HLCS: variants seen among roughly 807,000 people sequenced by gnomAD.
The protein encoded by HLCS is biotin--protein ligase.
A neutral mutation model predicts 75.0 loss-of-function variants in HLCS; 53 were observed. The ratio of observed to expected loss-of-function variants is 0.71; its 90% confidence interval spans 0.57 to 0.89. The LOEUF is 0.89. Ranked by LOEUF, HLCS falls within the 40% of genes least tolerant of loss-of-function variation. The pLI, the probability that HLCS is intolerant of heterozygous loss-of-function variation, is 0.00. For synonymous variants in HLCS, 431 were observed against 428.6 expected, an observed-to-expected ratio of 1.01 and a Z score of -0.07; for missense variants, 966 against 1,074.0, an observed-to-expected ratio of 0.90 and a Z score of 1.41.
In HLCS at chr21:36,937,208, A is replaced by G. The variant is rs2146528574; in HGVS notation, c.678T>C (p.Ser226=). The change falls in exon 4 of 11, where the codon AGT becomes AGC. Residue 226 remains serine, a synonymous_variant. Transcript: ENST00000674895. ...CCCCAGCAGGCTCACTCCCAGAGGC[A>G]CTGCCTCTCCTTTGTTTGGGTTCTT... is the stretch of plus-strand genomic sequence containing the variant. ...LGEEPKQRRG[S]ASGSEPAGDS... 4 of 1,614,060 alleles carry G rather than the reference A, an allele frequency of 2.5e-6. 1 individual carries two copies. The highest frequency in any genetic ancestry group is 3.3e-4 in the Middle Eastern group (2 of 6,062).
At chr21:36,887,376 C>A (rs1214792361) in intron 6 of HLCS, among the ~76,000 whole-genome samples, 1 of 152,108 alleles carries the variant, frequency 6.6e-6, no homozygotes, top group Non-Finnish European at 1.5e-5. Context: ...CACATTATCA[C>A]TATCACAAAA....
intron 6 of HLCS, among the ~76,000 whole-genome samples, chr21:36,818,322 G>A (rs1019433644): frequency 9.2e-5 from 14 of 152,194 alleles, no homozygotes; most frequent in Non-Finnish European, 1.2e-4. Flanking sequence ...CACATAGGCC[G>A]TGATGAATGA....
rs1385620791 is a variant in HLCS, at chr21:36,888,479, T to A, written c.1892+8381A>T. On this transcript the variant is annotated intron_variant, in intron 6 of 10. Transcript: ENST00000674895. ...ATATATATATATATATATATATATA[T>A]ATATATATATATATATATTTATTTA... Among the ~76,000 whole-genome samples, 41 of 127,502 alleles carry A rather than the reference T, an allele frequency of 3.2e-4. 2 individuals carry two copies. The highest frequency in any genetic ancestry group is 4.5e-4 in the East Asian group (2 of 4,426). 83.6% of individuals were successfully genotyped at this position (127,502 alleles called of 152,430 possible). A position where few individuals can be genotyped will look rare whatever the true frequency, so the allele number is the denominator to read the frequency against.
chr21:36,824,551 C>T (rs2061949129), intron 6 of HLCS, among the ~76,000 whole-genome samples: 1 of 152,194 alleles, frequency 6.6e-6, no homozygotes, highest in African/African-American at 2.4e-5. Context: ...ACACATTTAC[C>T]TAACCTGCAC....
intron 6 of HLCS, among the ~76,000 whole-genome samples, chr21:36,856,138 A>T (rs1174819355): frequency 1.3e-5 from 2 of 152,140 alleles, no homozygotes; most frequent in Non-Finnish European, 2.9e-5. Flanking sequence ...AAAAGTTCTA[A>T]ATTTGAGTGT....
chr21:36,832,085 A>G (rs1057396702), intron 6 of HLCS, among the ~76,000 whole-genome samples: 3 of 152,182 alleles, frequency 2.0e-5, no homozygotes, highest in Middle Eastern at 3.2e-3. Flanking sequence ...ATAAATTGGC[A>G]TTTAGGTTCA....
At chr21:36,915,304 A>G (rs1389090897) in intron 5 of HLCS, among the ~76,000 whole-genome samples, 3 of 152,262 alleles carry the variant, frequency 2.0e-5, no homozygotes, top group African/African-American at 7.2e-5. Flanking sequence ...TTTAGCCTCC[A>G]CTGTTTAATT....
intron 5 of HLCS, among the ~76,000 whole-genome samples, chr21:36,924,787 G>A (rs1046850913): frequency 1.3e-4 from 20 of 152,074 alleles, no homozygotes; most frequent in African/African-American, 4.8e-4. Context: ...TGCAGCAAGG[G>A]CTTGTACTTA....
At chr21:36,773,573 T>A (rs1214991238) in intron 6 of HLCS, among the ~76,000 whole-genome samples, 1 of 152,236 alleles carries the variant, frequency 6.6e-6, no homozygotes, top group Non-Finnish European at 1.5e-5. Flanking sequence ...CAGCTCATGG[T>A]CCTGGCCTGA....
At chr21:36,786,642 A>G (rs1477001687) in intron 6 of HLCS, among the ~76,000 whole-genome samples, 1 of 152,156 alleles carries the variant, frequency 6.6e-6, no homozygotes, top group African/African-American at 2.4e-5. Flanking sequence ...TTTTCCATGC[A>G]TTTTCTTTGT....
chr21:36,775,638 G>A lies in HLCS; in HGVS notation c.1893-8353C>T, dbSNP rs552880981. Among the ~76,000 whole-genome samples the A allele has an allele frequency of 4.1e-3, 631 of 152,262 alleles. 4 individuals carry two copies. The highest frequency in any genetic ancestry group is 0.015 in the African/African-American group (606 of 41,534). On this transcript the variant is annotated intron_variant, in intron 6 of 10. Transcript: ENST00000674895. ...CCCCACTCCTCCGCCAGGAGTCTCC[G>A]GATCCTCCACAAGATCTTCTCACCC...
chr21:36,793,958 C>T (rs1204389324), intron 6 of HLCS, among the ~76,000 whole-genome samples: 1 of 152,206 alleles, frequency 6.6e-6, no homozygotes, highest in African/African-American at 2.4e-5. Context: ...CCTATGTGGA[C>T]AGCTGTTTAG....
At chr21:36,805,138 G>A (rs890962355) in intron 6 of HLCS, among the ~76,000 whole-genome samples, 14 of 152,228 alleles carry the variant, frequency 9.2e-5, no homozygotes, top group Admixed American at 8.5e-4. Flanking sequence ...GAAACATGAC[G>A]ACATAAGTAA....
chr21:36,929,789 G>C (rs73905405), intron 5 of HLCS, among the ~76,000 whole-genome samples: 1 of 152,180 alleles, frequency 6.6e-6, no homozygotes, highest in Non-Finnish European at 1.5e-5. Context: ...GAGAATTCCC[G>C]AACACATTCC....
intron 6 of HLCS, among the ~76,000 whole-genome samples, chr21:36,776,942 T>A (rs377120377): frequency 8.3e-4 from 126 of 152,372 alleles, no homozygotes; most frequent in African/African-American, 2.7e-3. Context: ...TAGGCTTTTT[T>A]ATTTTTTTTA....
chr21:36,871,665 C>A (rs1395854047), intron 6 of HLCS, among the ~76,000 whole-genome samples: 2 of 152,154 alleles, frequency 1.3e-5, no homozygotes. Context: ...TGGAATTTAG[C>A]ATGAACATCC....
At chr21:36,923,031 G>A (rs1190571048) in intron 5 of HLCS, among the ~76,000 whole-genome samples, 7 of 152,188 alleles carry the variant, frequency 4.6e-5, no homozygotes, top group African/African-American at 1.2e-4. Flanking sequence ...CAACGGTTCC[G>A]TCATCGCCGG....
chr21:36,759,829 G>C lies in HLCS; in HGVS notation c.2134C>G (p.Arg712Gly). The change falls in exon 9 of 11, where the codon CGA becomes GGA. Residue 712 changes from arginine to glycine, a missense_variant. Arg to Gly is a moderately radical substitution (Grantham distance 125). Coordinates refer to ENST00000674895, the MANE Select transcript of HLCS (RefSeq NM_001352514.2). ...TAAATATCGTTGGGCCACTTCACTC[G>C]TAAGTTGATATCCTAAAGGGAAATC... is the stretch of plus-strand genomic sequence containing the variant. ...SIPEYQDINL[R>G]VKWPNDIYYS... The C allele has an allele frequency of 6.2e-7, 1 of 1,607,300 alleles. No individual in the cohort carries two copies. The highest frequency in any genetic ancestry group is 8.5e-7 in the Non-Finnish European group (1 of 1,173,792).
intron 6 of HLCS, among the ~76,000 whole-genome samples, chr21:36,837,333 A>G (rs1266372094): frequency 1.3e-5 from 2 of 152,250 alleles, no homozygotes; most frequent in African/African-American, 2.4e-5. Flanking sequence ...TAAAGTTTTA[A>G]TAAGTGGGGA....
Sources: gnomAD v4.1 joint callset for allele counts (sites outside exome capture counted in the v4.1 genomes callset) on GRCh38, gnomAD v4.1.1 for gene constraint, MANE v1.5 for transcripts, NCBI Gene and HGNC (gene_info 2026-07-23, HGNC 2026-07-21) for gene names.